MIPOL1: variants seen among roughly 807,000 people sequenced by gnomAD.
MIPOL1 encodes mirror-image polydactyly 1.
MIPOL1 carries 57 observed loss-of-function variants against 60.9 expected under a neutral mutation model. The ratio of observed to expected loss-of-function variants is 0.94; its 90% CI spans 0.76 to 1.17. MIPOL1 has a LOEUF of 1.17. Among genes scored for constraint, MIPOL1 ranks in the 50% most tolerant of loss-of-function variants. The pLI is 0.00. For missense variants in MIPOL1, 551 were observed against 511.6 expected, an observed-to-expected ratio of 1.08 and a Z score of -0.74; for synonymous variants, 179 against 168.8, an observed-to-expected ratio of 1.06 and a Z score of -0.47.
intron 7 of MIPOL1, among the ~76,000 whole-genome samples, chr14:37,289,979 A>G (rs996342441): frequency 1.3e-5 from 2 of 152,198 alleles, no homozygotes; most frequent in African/African-American, 4.8e-5. Context: ...GTATTTCACA[A>G]TATCACAGCA....
chr14:37,459,862 G>T (rs890220221), intron 11 of MIPOL1, among the ~76,000 whole-genome samples: 5 of 152,048 alleles, frequency 3.3e-5, no homozygotes, highest in Non-Finnish European at 7.4e-5. Context: ...ATAAGTTGAG[G>T]TCAGGAGTTT....
chr14:37,224,427 C>T (rs781044155), intron 1 of MIPOL1, among the ~76,000 whole-genome samples: 2 of 152,184 alleles, frequency 1.3e-5, no homozygotes, highest in South Asian at 2.1e-4. Flanking sequence ...ACTCACAGTT[C>T]CATGAGGATG....
intron 11 of MIPOL1, among the ~76,000 whole-genome samples, chr14:37,496,758 A>G (rs1029946144): frequency 2.6e-5 from 4 of 152,164 alleles, no homozygotes; most frequent in African/African-American, 9.7e-5. Flanking sequence ...TGCCATCCCC[A>G]TCAAGCTACC....
chr14:37,289,941 G>A (rs2084914564), intron 7 of MIPOL1, among the ~76,000 whole-genome samples: 1 of 152,320 alleles, frequency 6.6e-6, no homozygotes, highest in African/African-American at 2.4e-5. Flanking sequence ...GAGGAAAGGG[G>A]TGGAAGGGTG....
intron 11 of MIPOL1, among the ~76,000 whole-genome samples, chr14:37,461,910 G>A (rs920290311): frequency 2.0e-5 from 3 of 152,186 alleles, no homozygotes; most frequent in African/African-American, 7.2e-5. Flanking sequence ...TTGAGTGTCT[G>A]CAACTTTTCT....
In MIPOL1 at chr14:37,267,138, G is replaced by C. The variant is rs1197178431; in HGVS notation, c.220G>C (p.Glu74Gln). The C allele has an allele frequency of 6.2e-7, 1 of 1,613,492 alleles. No homozygotes were observed. Among genetic ancestry groups the C allele is most frequent in the Admixed American group, 1.7e-5 (1 of 60,000 alleles). The change falls in exon 4 of 13, where the codon GAG (glutamate) becomes CAG (glutamine). Residue 74 changes from glutamate to glutamine, a missense_variant. Coordinates refer to ENST00000684589, the MANE Select transcript of MIPOL1 (RefSeq NM_001388067.1). ...GATCATCAGTTCTTATCCAGATGAT[G>C]AGTCTGTTTACTGCACTACTGAAAA... ...FQIISSYPDD[E>Q]SVYCTTEKYN...
Position 37,304,015 on chromosome 14 carries a change from C to T in MIPOL1, c.624-4041C>T, listed in dbSNP as rs556365628. Among the ~76,000 whole-genome samples the T allele has an allele frequency of 5.9e-5, 9 of 151,878 alleles. No homozygotes were observed. The East Asian group carries it at 1.7e-3, about 29-fold the overall frequency. Reference sequence around the variant, plus strand: ...GATGGTTCTATGAGGTTCTTTTCTGCTGAATCTATAGGTTCTGAACTGTCA... The same window carrying T: ...GATGGTTCTATGAGGTTCTTTTCTGTTGAATCTATAGGTTCTGAACTGTCA... On this transcript the variant is annotated intron_variant, in intron 7 of 12. Transcript: ENST00000684589.
At chr14:37,375,996 T>A (rs1273043062) in intron 10 of MIPOL1, among the ~76,000 whole-genome samples, 1 of 152,146 alleles carries the variant, frequency 6.6e-6, no homozygotes, top group Non-Finnish European at 1.5e-5. Flanking sequence ...GTTCTCTGGG[T>A]TAGTTATTTC....
intron 9 of MIPOL1, among the ~76,000 whole-genome samples, chr14:37,334,495 T>G (rs1341413092): frequency 6.6e-6 from 1 of 152,004 alleles, no homozygotes; most frequent in Non-Finnish European, 1.5e-5. Context: ...TTAATTGTTT[T>G]TTACATTTTT....
chr14:37,296,263 A>G (rs1258790513), intron 7 of MIPOL1, among the ~76,000 whole-genome samples: 1 of 152,246 alleles, frequency 6.6e-6, no homozygotes, highest in Admixed American at 6.5e-5. Context: ...CAACGAGAAC[A>G]AAGAAACAAC....
chr14:37,428,532 G>A (rs2094005254), intron 11 of MIPOL1, among the ~76,000 whole-genome samples: 1 of 152,094 alleles, frequency 6.6e-6, no homozygotes, highest in Admixed American at 6.5e-5. Flanking sequence ...AGGTTGCCGT[G>A]GGTGGAGATC....
At chr14:37,373,108 A>T (rs186989468) in intron 10 of MIPOL1, among the ~76,000 whole-genome samples, 469 of 152,148 alleles carry the variant, frequency 3.1e-3, no homozygotes, top group Non-Finnish European at 4.4e-3. Flanking sequence ...GGTTCAAGTC[A>T]TTCTCCGGCC....
At chr14:37,444,722 C>A (rs1213539011) in intron 11 of MIPOL1, among the ~76,000 whole-genome samples, 1 of 152,128 alleles carries the variant, frequency 6.6e-6, no homozygotes, top group East Asian at 1.9e-4. Context: ...AAAAGCTTAT[C>A]CACCATGACC....
intron 1 of MIPOL1, among the ~76,000 whole-genome samples, chr14:37,217,979 A>G (rs1968042371): frequency 6.6e-6 from 1 of 152,160 alleles, no homozygotes; most frequent in African/African-American, 2.4e-5. Context: ...TAAAAAAATT[A>G]TCTAGTTCAA....
intron 9 of MIPOL1, among the ~76,000 whole-genome samples, chr14:37,338,731 A>G (rs545242320): frequency 5.9e-5 from 9 of 152,264 alleles, no homozygotes; most frequent in Admixed American, 2.0e-4. Context: ...GTACCAAATC[A>G]GCCTATTTGA....
intron 11 of MIPOL1, among the ~76,000 whole-genome samples, chr14:37,460,089 A>AAATAATAATAATAAT (rs139000493): frequency 4.9e-4 from 73 of 148,976 alleles, no homozygotes; most frequent in African/African-American, 1.7e-3. Flanking sequence ...AATAATAGTA[A>AAATAATAATAATAAT]AATAATAATA....
intron 9 of MIPOL1, among the ~76,000 whole-genome samples, chr14:37,364,417 A>C (rs1422303356): frequency 6.6e-6 from 1 of 152,176 alleles, no homozygotes; most frequent in Non-Finnish European, 1.5e-5. Flanking sequence ...GGCAAGGGTT[A>C]GTTGTCTAGT....
rs528225297 is a variant in MIPOL1, at chr14:37,391,207, C to A, written c.936+21583C>A. On this transcript the variant is annotated intron_variant, in intron 10 of 12. Transcript: ENST00000684589. Reference sequence around the variant, plus strand: ...GGAATGTGACATAGTGGCACATAAACGTAGTTCAGACAAACAAACTCCAAG... The same window carrying A: ...GGAATGTGACATAGTGGCACATAAAAGTAGTTCAGACAAACAAACTCCAAG... Among the ~76,000 whole-genome samples the A allele has an allele frequency of 2.0e-5, 3 of 150,464 alleles. No individual in the cohort carries two copies. In the East Asian group the frequency reaches 5.8e-4, roughly 29 times the overall value.
chr14:37,225,832 C>G (rs923905183), intron 1 of MIPOL1, among the ~76,000 whole-genome samples: 11 of 152,148 alleles, frequency 7.2e-5, no homozygotes, highest in Admixed American at 3.3e-4. Context: ...CTTTTATGCT[C>G]TGCTTCCCTT....
Sources: allele counts gnomAD v4.1 joint callset (sites outside exome capture counted in the v4.1 genomes callset), GRCh38; gene constraint gnomAD v4.1.1; transcripts MANE v1.5; gene names NCBI Gene and HGNC (gene_info 2026-07-23, HGNC 2026-07-21).